The following XIAP variants were observed in gnomAD, a reference collection of about 807,000 sequenced individuals.
XIAP encodes X-linked inhibitor of apoptosis.
In XIAP, 3 loss-of-function variants were observed where a neutral mutation model predicts 33.1. That is an observed-to-expected ratio of 0.09 (90% CI 0.04 to 0.23). XIAP has a LOEUF of 0.23. XIAP is among the 10% of genes least tolerant of loss of function. The pLI, the probability that XIAP is intolerant of heterozygous loss-of-function variation, is 1.00. For synonymous variants in XIAP, 98 were observed against 121.3 expected (o/e 0.81, Z 1.26); for missense variants, 264 against 363.0 (o/e 0.73, Z 2.22).
chrX:123,899,144 A>AAAAAAATAT (rs1186271285), intron 5 of XIAP, among the ~76,000 whole-genome samples: 5 of 50,184 alleles, frequency 1.0e-4, no homozygotes, highest in African/African-American at 1.7e-4. Context: ...AAAAAAAAAA[A>AAAAAAATAT]ATATATATAT....
Position 123,910,730 on chromosome X carries a change from T to C in XIAP, c.*3549T>C. The C allele has an allele frequency of 7.1e-6, 2 of 282,351 alleles. No individual in the cohort carries two copies. Among genetic ancestry groups the C allele is most frequent in the Non-Finnish European group, 1.3e-5 (2 of 149,647 alleles). 23.3% of individuals were successfully genotyped at this position (282,351 alleles called of 1,213,427 possible). A position where few individuals can be genotyped will look rare whatever the true frequency, so the allele number is the denominator to read the frequency against. On this transcript the variant is annotated 3_prime_UTR_variant, in exon 7 of 7. Coordinates refer to ENST00000371199, the MANE Select transcript of XIAP (RefSeq NM_001167.4). ...TAAAAAACAGAAAATTAGCCGGGCG[T>C]GGTGGCGGGCGCCTGTAGTCCCAGC...
chrX:123,872,117 G>A (rs1490464161), intron 1 of XIAP, among the ~76,000 whole-genome samples: 2 of 110,484 alleles, frequency 1.8e-5, no homozygotes, highest in African/African-American at 6.6e-5. Flanking sequence ...TAATAATAAT[G>A]ATGATGCTTT....
intron 6 of XIAP, among the ~76,000 whole-genome samples, chrX:123,901,282 G>A (rs1401208566): frequency 8.9e-6 from 1 of 111,761 alleles, no homozygotes; most frequent in Admixed American, 9.6e-5. Flanking sequence ...CTCCTTGGGA[G>A]GCTGAGCGGG....
Position 123,911,982 on chromosome X carries a change from C to A in XIAP, c.*4801C>A. On this transcript the variant is annotated 3_prime_UTR_variant, in exon 7 of 7. Transcript: ENST00000371199. ...AGATTATAGCTAATTAGTAGCAGAG[C>A]CCTGACTGGGACATAGTTTGAAGGT... 9.1e-6 allele frequency: 3 copies of A among 328,671 alleles called. No homozygotes were observed. The highest frequency in any genetic ancestry group is 1.8e-5 in the Non-Finnish European group (3 of 169,858). The allele number at this position is 328,671 out of a possible 1,213,427, so 27.1% of individuals were successfully genotyped here.
intron 3 of XIAP, among the ~76,000 whole-genome samples, 182 bp downstream of exon 3, chrX:123,888,900 G>A (rs2053378398): frequency 9.0e-6 from 1 of 111,625 alleles, no homozygotes; most frequent in African/African-American, 3.2e-5. Flanking sequence ...GCTTATGTGT[G>A]ATATCTATAA....
At chrX:123,877,489 G>T (rs1181975068) in intron 1 of XIAP, among the ~76,000 whole-genome samples, 1 of 112,280 alleles carries the variant, frequency 8.9e-6, no homozygotes, top group African/African-American at 3.2e-5. Context: ...CAGGAACATA[G>T]CTTCAAGTGC....
intron 1 of XIAP, among the ~76,000 whole-genome samples, chrX:123,864,455 GTTTTTTTTT>G (rs1162636021): frequency 2.0e-5 from 1 of 49,589 alleles, no homozygotes; most frequent in Non-Finnish European, 3.4e-5. Flanking sequence ...CCTTTCTTCT[GTTTTTTTTT>G]TTTTTTTTTT....
At chrX:123,899,205 G>GTA (rs1343496779) in intron 5 of XIAP, among the ~76,000 whole-genome samples, 3 of 25,703 alleles carry the variant, frequency 1.2e-4, no homozygotes, top group East Asian at 9.8e-4. Context: ...ATATGATTGT[G>GTA]TATATATATA....
intron 5 of XIAP, among the ~76,000 whole-genome samples, chrX:123,900,108 C>T (rs2053502580): frequency 8.9e-6 from 1 of 112,001 alleles, no homozygotes; most frequent in Admixed American, 9.5e-5. Flanking sequence ...CATCATTTTC[C>T]CCAAATAATT....
At chrX:123,865,502 C>T (rs1191160562) in intron 1 of XIAP, among the ~76,000 whole-genome samples, 5 of 106,957 alleles carry the variant, frequency 4.7e-5, no homozygotes, top group African/African-American at 1.7e-4. Context: ...CTGAGGCGGG[C>T]GGATCACGAG....
Position 123,907,417 on chromosome X carries a change from G to C in XIAP, c.*236G>C. The C allele has an allele frequency of 4.3e-6, 2 of 465,495 alleles. No individual in the cohort carries two copies. Among genetic ancestry groups the C allele is most frequent in the South Asian group, 5.5e-5 (2 of 36,332 alleles). The allele number at this position is 465,495 out of a possible 1,213,427, so 38.4% of individuals were successfully genotyped here. The stretch of plus-strand genomic sequence containing the variant: ...TTATTTAATTGAAACCATAGACTAA[G>C]AATAAGAAGCATCATACTATAACTG... On this transcript the variant is annotated 3_prime_UTR_variant, in exon 7 of 7. Coordinates refer to ENST00000371199, the MANE Select transcript of XIAP (RefSeq NM_001167.4).
At position 123,913,006 on chromosome X, in the gene XIAP, C is replaced by A. The variant is rs1301726852; in HGVS notation, c.*5825C>A. 3.6e-6 allele frequency: 1 copy of A among 279,959 alleles called. No individual in the cohort carries two copies. Among genetic ancestry groups the A allele is most frequent in the South Asian group, 3.3e-5 (1 of 30,295 alleles). 23.1% of individuals were successfully genotyped at this position (279,959 alleles called of 1,213,427 possible). On this transcript the variant is annotated 3_prime_UTR_variant, in exon 7 of 7. Transcript: ENST00000371199. ...GTGTTGACCAGGCTGGTCTCGAACTCCTGATCTCAGGTGATCTGCCTGCCT... is the reference window on the plus strand; with the variant it reads ...GTGTTGACCAGGCTGGTCTCGAACTACTGATCTCAGGTGATCTGCCTGCCT...
chrX:123,912,182 A>G lies in XIAP; in HGVS notation c.*5001A>G, dbSNP rs760343676. ...CTTCATATCTGTGGGTTTTGCATCC[A>G]TGGATTCAACCAAGGAGGAATTGAA... On this transcript the variant is annotated 3_prime_UTR_variant, in exon 7 of 7. Coordinates refer to ENST00000371199, the MANE Select transcript of XIAP (RefSeq NM_001167.4). 6.4e-6 allele frequency: 2 copies of G among 314,889 alleles called. No individual in the cohort carries two copies. The highest frequency in any genetic ancestry group is 1.2e-5 in the Non-Finnish European group (2 of 166,722). 26.0% of individuals were successfully genotyped at this position (314,889 alleles called of 1,213,427 possible). A position where few individuals can be genotyped will look rare whatever the true frequency, so the allele number is the denominator to read the frequency against.
At position 123,886,442 on chromosome X, in the gene XIAP, A is replaced by G; in HGVS notation, c.780A>G (p.Pro260=). The part of the protein sequence containing the change: ...FPNSTNLPRN[P]SMADYEARIF... ...ATTCAACAAATCTTCCAAGAAATCC[A>G]TCCATGGCAGATTATGAAGCACGGA... Residue 260 remains proline (P), a synonymous_variant, in exon 2 of 7, where the codon CCA becomes CCG. Transcript: ENST00000371199. The G allele has an allele frequency of 8.3e-7, 1 of 1,210,975 alleles. No homozygotes were observed. Among genetic ancestry groups the G allele is most frequent in the Non-Finnish European group, 1.1e-6 (1 of 895,590 alleles).
At position 123,860,212 on chromosome X, in the gene XIAP, C is replaced by T. The variant is rs751160417; in HGVS notation, c.-114C>T. 3.3e-5 allele frequency: 11 copies of T among 330,014 alleles called. No individual in the cohort carries two copies. The highest frequency in any genetic ancestry group is 2.9e-4 in the South Asian group (11 of 38,565). 27.2% of individuals were successfully genotyped at this position (330,014 alleles called of 1,213,427 possible). Reference sequence around the variant, plus strand: ...CGGAGTTGGCATTTCCAGATTGGGGCTCGGGCCGCGCCTCCTCCGGGACCC... The same window carrying T: ...CGGAGTTGGCATTTCCAGATTGGGGTTCGGGCCGCGCCTCCTCCGGGACCC... On this transcript the variant is annotated 5_prime_UTR_variant, in exon 1 of 7. Transcript: ENST00000371199.
chrX:123,894,465 T>C (rs777413305), intron 5 of XIAP, among the ~76,000 whole-genome samples: 7 of 112,356 alleles, frequency 6.2e-5, no homozygotes, highest in Non-Finnish European at 1.1e-4. Flanking sequence ...ATCATCTATT[T>C]AGTATCTTAA....
chrX:123,892,969 C>T (rs1337161109), intron 5 of XIAP, among the ~76,000 whole-genome samples, 196 bp downstream of exon 5: 3 of 109,919 alleles, frequency 2.7e-5, no homozygotes, highest in African/African-American at 6.6e-5. Context: ...TACAGGCCTG[C>T]GCCACCATGC....
intron 5 of XIAP, among the ~76,000 whole-genome samples, chrX:123,899,493 C>A (rs1386323014): frequency 9.3e-6 from 1 of 107,866 alleles, no homozygotes; most frequent in African/African-American, 3.4e-5. Flanking sequence ...AACATTCCCA[C>A]AACCCTAGAA....
chrX:123,909,033 T>C lies in XIAP; in HGVS notation c.*1852T>C, dbSNP rs1274315191. ...AAACATTGCAAATTTATTTTATTTA[T>C]TTAATTTTCTTTTTGAGATGGAGTC... On this transcript the variant is annotated 3_prime_UTR_variant, in exon 7 of 7. Transcript: ENST00000371199. 1 of 292,641 alleles carries C rather than the reference T, an allele frequency of 3.4e-6. No individual in the cohort carries two copies. Among genetic ancestry groups the C allele is most frequent in the Non-Finnish European group, 6.4e-6 (1 of 157,360 alleles). 24.1% of individuals were successfully genotyped at this position (292,641 alleles called of 1,213,427 possible).
Sources: allele counts gnomAD v4.1 joint callset (sites outside exome capture counted in the v4.1 genomes callset), GRCh38; gene constraint gnomAD v4.1.1; transcripts MANE v1.5; gene names NCBI Gene and HGNC (gene_info 2026-07-23, HGNC 2026-07-21).